Variants in ADAMTS7 observed in about 807,000 individuals in gnomAD.
ADAMTS7 encodes A disintegrin and metalloproteinase with thrombospondin motifs 7.
Under a neutral mutation model 172.6 loss-of-function variants are expected in ADAMTS7, and 89 were observed. The ratio of observed to expected loss-of-function variants is 0.52; its 90% CI spans 0.43 to 0.61. The LOEUF (loss-of-function observed/expected upper bound fraction) is 0.61, where lower values mean the gene tolerates loss of function less well. Among genes scored for constraint, ADAMTS7 ranks in the 20% least tolerant of loss-of-function variants. The pLI is 0.00. For missense variants in ADAMTS7, 1,973 were observed against 2,355.6 expected, an observed-to-expected ratio of 0.84 and a Z score of 3.36; for synonymous variants, 885 against 978.4, an observed-to-expected ratio of 0.90 and a Z score of 1.78.
At chr15:78,764,879 G>A (rs893218458) in intron 19 of ADAMTS7, 172 bp from the exon 20 acceptor site, 42 of 644,890 alleles carry the variant, frequency 6.5e-5, no homozygotes, top group African/African-American at 4.0e-4. Context: ...CAGGAAGACC[G>A]TGAGAATGAA....
chr15:78,776,279 C>A lies in ADAMTS7; in HGVS notation c.1615G>T (p.Gly539Cys). Residue 539 changes from glycine (G) to cysteine (C), a missense_variant, in exon 11 of 24, where the codon GGT becomes TGT. Transcript: ENST00000388820. The stretch of plus-strand genomic sequence containing the variant: ...CAGGCGCTCCAGCCAGACCAGCCAC[C>A]ATCCACGGCCTCGGGCCGGAAGCCC... ...PVGFRPEAVD[G>C]GWSGWSAWSI... is the part of the protein sequence containing the mutation. 6.2e-7 allele frequency: 1 copy of A among 1,611,956 alleles called. No individual in the cohort carries two copies. Among genetic ancestry groups the A allele is most frequent in the Non-Finnish European group, 8.5e-7 (1 of 1,179,846 alleles).
rs777202694 is a variant in ADAMTS7 at position 78,771,353 on chromosome 15, C to T, written c.2377-50G>A. On this transcript the variant is annotated intron_variant, in intron 15 of 23. Coordinates refer to ENST00000388820, the MANE Select transcript of ADAMTS7 (RefSeq NM_014272.5). This position sits in a 1 kb window ranked among gnomAD's most constrained non-coding sequence, Gnocchi z 4.9. Reference sequence around the variant, plus strand: ...GAGCACAAGGTGTCTTCTCCATCCACCCAGTCCTAAAGGAGCTGACCCCAG... The same window carrying T: ...GAGCACAAGGTGTCTTCTCCATCCATCCAGTCCTAAAGGAGCTGACCCCAG... 3 of 1,610,826 alleles carry T rather than the reference C, an allele frequency of 1.9e-6. No homozygotes were observed. In the South Asian group the frequency reaches 3.3e-5, roughly 18 times the overall value.
At chr15:78,798,140 A>T in intron 2 of ADAMTS7, 27 bp from the exon 3 acceptor site, 1 of 1,529,658 alleles carries the variant, frequency 6.5e-7, no homozygotes. Context: ...AGGGTCACAC[A>T]GGGAGGGCTG....
In ADAMTS7 at chr15:78,764,069, C is replaced by T. The variant is rs1438165759; in HGVS notation, c.4450G>A (p.Val1484Met). 1.3e-6 allele frequency: 2 copies of T among 1,531,200 alleles called. No homozygotes were observed. Among genetic ancestry groups the T allele is most frequent in the Admixed American group, 4.1e-5 (2 of 48,924 alleles). 94.9% of individuals were successfully genotyped at this position (1,531,200 alleles called of 1,614,324 possible). A position where few individuals can be genotyped will look rare whatever the true frequency, so the allele number is the denominator to read the frequency against. ...CSRSCGGGSS[V>M]RDVQCVDTRD... ...GTGTCCACACACTGCACGTCCCGCA[C>T]TGAGGAACCTCCGCCGCAGCTGCGG... Residue 1484 changes from valine (V) to methionine (M), a missense_variant, in exon 21 of 24, where the codon GTG becomes ATG. This residue lies in a region of ADAMTS7 where 218 missense variants were observed against 216.9 expected (regional missense o/e 1.01). Transcript: ENST00000388820.
chr15:78,770,654 T>TG (rs34445137), intron 16 of ADAMTS7: 29,261 of 66,296 alleles, frequency 0.44, 5,506 homozygotes, highest in Middle Eastern at 0.56. Flanking sequence ...CCGAGGGGTA[T>TG]GGGGGAGACT....
chr15:78,794,368 C>G (rs2055617336), intron 4 of ADAMTS7, among the ~76,000 whole-genome samples: 1 of 152,266 alleles, frequency 6.6e-6, no homozygotes, highest in African/African-American at 2.4e-5. Context: ...TAGGCCGTGG[C>G]TCCACAGTCC....
rs561363247 is a variant in ADAMTS7 at position 78,772,958 on chromosome 15, T to C, written c.2131+125A>G. ...CTGCAAGAATCCACCCCAGCAAGGC[T>C]TCCCTGCTTAGCCATCTCCAGGCTG... is the stretch of plus-strand genomic sequence containing the variant. On this transcript the variant is annotated intron_variant, in intron 14 of 23. Coordinates refer to ENST00000388820, the MANE Select transcript of ADAMTS7 (RefSeq NM_014272.5). 5.1e-4 allele frequency: 650 copies of C among 1,283,572 alleles called. 4 individuals carry two copies. In the African/African-American group the frequency reaches 8.5e-3, roughly 17 times the overall value. The allele number at this position is 1,283,572 out of a possible 1,614,324, so 79.5% of individuals were successfully genotyped here.
chr15:78,763,731 A>G lies in ADAMTS7; in HGVS notation c.4708T>C (p.Cys1570Arg). Reference sequence around the variant, plus strand: ...CAGGGCCCCACCACCCACTGCGTGCAGGGGTGGGTGTTGCAGGGCCGGGTG... The same window carrying G: ...CAGGGCCCCACCACCCACTGCGTGCGGGGGTGGGTGTTGCAGGGCCGGGTG... ...NTTRPCNTHP[C>R]TQWVVGPWGQ... Residue 1570 changes from cysteine to arginine, a missense_variant, in exon 22 of 24, where the codon TGC becomes CGC. Cys to Arg is a radical substitution (Grantham distance 180). This residue lies in a region of ADAMTS7 where 218 missense variants were observed against 216.9 expected (regional missense o/e 1.01). Transcript: ENST00000388820. The G allele has an allele frequency of 6.3e-7, 1 of 1,588,808 alleles. No homozygotes were observed. Among genetic ancestry groups the G allele is most frequent in the Non-Finnish European group, 8.5e-7 (1 of 1,169,780 alleles).
In ADAMTS7 at chr15:78,771,909, C is replaced by G. The variant is rs1338287751; in HGVS notation, c.2132-80G>C. On this transcript the variant is annotated intron_variant, in intron 14 of 23. Transcript: ENST00000388820. The surrounding 1 kb of genome is among the most constrained non-coding windows in gnomAD (Gnocchi z 4.9). ...CCCACCCGCTCCCCTCATGTCTCTC[C>G]CCACTTGCCTCCGCCTGCTGATGCC... The G allele has an allele frequency of 3.1e-5, 48 of 1,541,080 alleles. No individual in the cohort carries two copies. Among genetic ancestry groups the G allele is most frequent in the Non-Finnish European group, 4.0e-5 (46 of 1,146,752 alleles).
intron 4 of ADAMTS7, among the ~76,000 whole-genome samples, chr15:78,793,111 G>T (rs1057233505): frequency 2.6e-5 from 4 of 152,126 alleles, no homozygotes; most frequent in African/African-American, 9.7e-5. Flanking sequence ...GGCTTAGCAT[G>T]CATTATCTCA....
At chr15:78,793,346 T>C (rs2055604775) in intron 4 of ADAMTS7, among the ~76,000 whole-genome samples, 1 of 141,362 alleles carries the variant, frequency 7.1e-6, no homozygotes, top group Admixed American at 7.2e-5. Flanking sequence ...ACGAAGTCTG[T>C]TTTACCTTTT....
At position 78,800,251 on chromosome 15, in the gene ADAMTS7, C is replaced by T. The variant is rs559096519; in HGVS notation, c.397G>A (p.Glu133Lys). Residue 133 changes from glutamate to lysine, a missense_variant, in exon 2 of 24, where the codon GAG becomes AAG. Glu to Lys is a moderately conservative substitution (Grantham distance 56). Around this residue, in one of 8 missense-constraint regions of ADAMTS7, gnomAD observed 306 missense variants for 288.0 expected, o/e 1.06. Transcript: ENST00000388820. ...AHTPACHLLG[E>K]VQDPELEGGL... is the part of the protein sequence containing the mutation. ...CCCTCGAGCTCAGGGTCCTGCACCT[C>T]GCCAAGCAGGTGGCAGGCCGGGGTG... The T allele has an allele frequency of 2.5e-6, 4 of 1,595,250 alleles. No homozygotes were observed. The highest frequency in any genetic ancestry group is 2.2e-5 in the East Asian group (1 of 44,722).
chr15:78,772,082 C>T (rs2055260850), intron 14 of ADAMTS7, among the ~76,000 whole-genome samples: 1 of 152,212 alleles, frequency 6.6e-6, no homozygotes, highest in Non-Finnish European at 1.5e-5. Flanking sequence ...AAGGCTGGAT[C>T]CATTCCCTAC....
intron 1 of ADAMTS7, among the ~76,000 whole-genome samples, chr15:78,806,091 A>AACACACACACACACACAC (rs1216857182): frequency 3.6e-5 from 1 of 27,414 alleles, no homozygotes; most frequent in African/African-American, 1.5e-4. Context: ...CCCCCCCAAA[A>AACACACACACACACACAC]ACACACACAC....
chr15:78,791,891 C>T (rs910847735), intron 4 of ADAMTS7, among the ~76,000 whole-genome samples: 6 of 152,108 alleles, frequency 3.9e-5, no homozygotes, highest in Non-Finnish European at 5.9e-5. Flanking sequence ...CGGGGCTATC[C>T]CCAAAGATGG....
chr15:78,774,271 C>T lies in ADAMTS7; in HGVS notation c.1906G>A (p.Ala636Thr), dbSNP rs112032898. The T allele has an allele frequency of 8.8e-5, 138 of 1,576,850 alleles. 1 individual carries two copies. The highest frequency in any genetic ancestry group is 1.6e-4 in the African/African-American group (12 of 74,784). Residue 636 changes from alanine to threonine, a missense_variant, in exon 13 of 24, where the codon GCG (alanine) becomes ACG (threonine). Transcript: ENST00000388820. ...VNPCELHCRP[A>T]NEYFAEKLRD... The stretch of plus-strand genomic sequence containing the variant: ...AGCTTCTCGGCAAAGTACTCATTCG[C>T]GGGCCGGCAGTGCAGCTCGCAGGGG...
chr15:78,759,738 C>CTGTTG (rs1462377297), intron 23 of ADAMTS7, among the ~76,000 whole-genome samples, 160 bp from the exon 24 acceptor site: 1 of 152,210 alleles, frequency 6.6e-6, no homozygotes, highest in African/African-American at 2.4e-5. Context: ...AGGTCTCCAA[C>CTGTTG]TGTTGCTGTC....
At chr15:78,797,853 A>C (rs2055666020) in intron 3 of ADAMTS7, 95 bp downstream of exon 3, 1 of 1,397,956 alleles carries the variant, frequency 7.2e-7, no homozygotes, top group East Asian at 2.4e-5. Flanking sequence ...TCTAAGGGGC[A>C]CTGGGCATGG....
rs192410940 is a variant in ADAMTS7 at position 78,802,535 on chromosome 15, G to T, written c.101-1988C>A. 2.5e-3 allele frequency among the ~76,000 whole-genome samples: 377 copies of T among 152,290 alleles called. 3 individuals are homozygous for T. Among genetic ancestry groups the T allele is most frequent in the Non-Finnish European group, 4.5e-3 (304 of 68,020 alleles). On this transcript the variant is annotated intron_variant, in intron 1 of 23. Transcript: ENST00000388820. ...CATGCAAGAATTCATTTAAAGAAAG[G>T]TTCCAGGGATGGAAAAAATTGGCAG... is the stretch of plus-strand genomic sequence containing the variant.
Sources: gnomAD v4.1 joint callset for allele counts (sites outside exome capture counted in the v4.1 genomes callset) on GRCh38, gnomAD v4.1.1 for gene constraint, gnomAD v4.1.1 regional missense constraint, Gnocchi (gnomAD v3.1) non-coding constraint, MANE v1.5 for transcripts, NCBI Gene and HGNC (gene_info 2026-07-23, HGNC 2026-07-21) for gene names.